Variants in PLD1 observed in about 807,000 individuals in gnomAD.
The protein encoded by PLD1 is phospholipase D1, also known as choline phosphatase 1.
PLD1 carries 112 observed loss-of-function variants against 137.1 expected under a neutral mutation model. The ratio of observed to expected loss-of-function variants is 0.82; its 90% CI spans 0.70 to 0.96. The LOEUF (loss-of-function observed/expected upper bound fraction) is 0.96, where lower values mean the gene tolerates loss of function less well. Ranked by LOEUF, PLD1 falls within the 40% of genes least tolerant of loss-of-function variation. The pLI, the probability that PLD1 is intolerant of heterozygous loss-of-function variation, is 0.00. For missense variants in PLD1, 1,321 were observed against 1,342.0 expected, an observed-to-expected ratio of 0.98 and a Z score of 0.24; for synonymous variants, 431 against 454.7, an observed-to-expected ratio of 0.95 and a Z score of 0.66.
At chr3:171,698,310 G>A (rs7635025) in intron 12 of PLD1, among the ~76,000 whole-genome samples, 2,219 of 152,306 alleles carry the variant, frequency 0.015, 50 homozygotes, top group African/African-American at 0.047. Context: ...TGTGAATAAT[G>A]TTTTCAGAAT....
At chr3:171,700,877 T>C (rs1048707804) in intron 11 of PLD1, among the ~76,000 whole-genome samples, 2 of 152,204 alleles carry the variant, frequency 1.3e-5, no homozygotes, top group African/African-American at 4.8e-5. Context: ...AGTTAGTTTC[T>C]GAGTTAAACA....
chr3:171,745,628 C>T (rs1720091491), intron 1 of PLD1, among the ~76,000 whole-genome samples: 1 of 152,222 alleles, frequency 6.6e-6, no homozygotes, highest in African/African-American at 2.4e-5. Context: ...AAGTGCTGCA[C>T]CAGGGACGTG....
rs531139022 is a variant in PLD1 at position 171,764,173 on chromosome 3, C to G, written c.-31-26091G>C. On this transcript the variant is annotated intron_variant, in intron 1 of 26. Coordinates refer to ENST00000351298, the MANE Select transcript of PLD1 (RefSeq NM_002662.5). The stretch of plus-strand genomic sequence containing the variant: ...TGTTTTTAGTAGAGATGGAGTTTCT[C>G]TATGTTGCCCAGAGTGATCTGAAAC... Among the ~76,000 whole-genome samples, 13 of 152,244 alleles carry G rather than the reference C, an allele frequency of 8.5e-5. No individual in the cohort carries two copies. In the East Asian group the frequency reaches 2.5e-3, roughly 29 times the overall value.
chr3:171,682,156 G>GAAAGAAAGAAAC (rs1560211475), intron 16 of PLD1, among the ~76,000 whole-genome samples: 7 of 63,870 alleles, frequency 1.1e-4, no homozygotes, highest in East Asian at 9.5e-4. Flanking sequence ...AAGAAAGAAA[G>GAAAGAAAGAAAC]AAAGAAAGAA....
chr3:171,654,910 A>G (rs1480788452), intron 21 of PLD1, among the ~76,000 whole-genome samples: 1 of 152,178 alleles, frequency 6.6e-6, no homozygotes, highest in Admixed American at 6.5e-5. Context: ...ACTTATTTCT[A>G]TAAAGAATTA....
intron 26 of PLD1, 106 bp downstream of exon 26, chr3:171,605,193 C>T (rs1292908831): frequency 3.8e-5 from 29 of 757,732 alleles, no homozygotes; most frequent in Middle Eastern, 3.0e-4. Flanking sequence ...AGCTTTTTTA[C>T]GTTTATTAAG....
chr3:171,643,012 A>T, intron 22 of PLD1, 123 bp from the exon 23 acceptor site: 1 of 642,872 alleles, frequency 1.6e-6, no homozygotes, highest in Non-Finnish European at 2.7e-6. Context: ...AGAAGATGCT[A>T]CATATATATC....
intron 25 of PLD1, among the ~76,000 whole-genome samples, chr3:171,605,713 A>G (rs974518342): frequency 6.6e-6 from 1 of 152,240 alleles, no homozygotes; most frequent in Non-Finnish European, 1.5e-5. Flanking sequence ...AGGCTTTAGG[A>G]TTAAAAAGCA....
At chr3:171,776,061 T>C (rs898379463) in intron 1 of PLD1, among the ~76,000 whole-genome samples, 5 of 152,188 alleles carry the variant, frequency 3.3e-5, no homozygotes, top group Admixed American at 3.3e-4. Flanking sequence ...AACCCCTTCA[T>C]TTGCGTAAAC....
chr3:171,748,014 C>A lies in PLD1; in HGVS notation c.-31-9932G>T, dbSNP rs562642057. On this transcript the variant is annotated intron_variant, in intron 1 of 26. Transcript: ENST00000351298. ...AATAGATAGATTAAAATTTTAAAAA[C>A]TCCTCTCTCAACATTACTAAATGTT... Among the ~76,000 whole-genome samples, 204 of 152,300 alleles carry A rather than the reference C, an allele frequency of 1.3e-3. 4 individuals are homozygous for A. The highest frequency in any genetic ancestry group is 4.7e-3 in the African/African-American group (196 of 41,566).
chr3:171,639,694 TA>T (rs1330560912), intron 23 of PLD1, among the ~76,000 whole-genome samples: 4 of 128,184 alleles, frequency 3.1e-5, no homozygotes, highest in African/African-American at 1.2e-4. Flanking sequence ...TACCTATTCA[TA>T]TAATATATAT....
At chr3:171,711,724 C>T (rs1717247444) in intron 9 of PLD1, among the ~76,000 whole-genome samples, 1 of 148,204 alleles carries the variant, frequency 6.7e-6, no homozygotes, top group Non-Finnish European at 1.5e-5. Context: ...CTCAACATGG[C>T]TGATTAGTTC....
At chr3:171,708,943 A>G (rs976205002) in intron 10 of PLD1, 105 bp from the exon 11 acceptor site, 1 of 664,744 alleles carries the variant, frequency 1.5e-6, no homozygotes, top group Non-Finnish European at 2.6e-6. Flanking sequence ...GAGTCTCCAC[A>G]TAACACATAA....
intron 1 of PLD1, among the ~76,000 whole-genome samples, chr3:171,808,734 G>A (rs1262097641): frequency 6.6e-6 from 1 of 151,102 alleles, no homozygotes; most frequent in Admixed American, 6.6e-5. Flanking sequence ...GCATTGTACA[G>A]CGCTTACTAT....
chr3:171,709,848 G>A (rs1020772245), intron 9 of PLD1, 139 bp from the exon 10 acceptor site: 5 of 669,728 alleles, frequency 7.5e-6, no homozygotes, highest in African/African-American at 3.6e-5. Context: ...AACATTTTTT[G>A]GTAGTATTTC....
chr3:171,618,260 A>G (rs923135397), intron 24 of PLD1, among the ~76,000 whole-genome samples: 1 of 152,232 alleles, frequency 6.6e-6, no homozygotes, highest in Non-Finnish European at 1.5e-5. Flanking sequence ...GGAGTCTTTG[A>G]GTGTTTAGAG....
chr3:171,685,547 C>A lies in PLD1; in HGVS notation c.1867+1138G>T, dbSNP rs1021129259. 2.6e-5 allele frequency among the ~76,000 whole-genome samples: 4 copies of A among 152,262 alleles called. No homozygotes were observed. The East Asian group carries it at 7.7e-4, about 29-fold the overall frequency. On this transcript the variant is annotated intron_variant, in intron 16 of 26. Coordinates refer to ENST00000351298, the MANE Select transcript of PLD1 (RefSeq NM_002662.5). ...TTCTTCATCTGTAAAAAGGAGATGACAATATCACTACCAAGCACTGCAACT... is the reference window on the plus strand; with the variant it reads ...TTCTTCATCTGTAAAAAGGAGATGAAAATATCACTACCAAGCACTGCAACT...
In PLD1 at chr3:171,601,963, G is replaced by A. The variant is rs894565703; in HGVS notation, c.*1115C>T. The A allele has an allele frequency of 6.6e-6, 1 of 152,228 alleles. No individual in the cohort carries two copies. The highest frequency in any genetic ancestry group is 1.5e-5 in the Non-Finnish European group (1 of 68,042). 9.4% of individuals were successfully genotyped at this position (152,228 alleles called of 1,614,324 possible). A position where few individuals can be genotyped will look rare whatever the true frequency, so the allele number is the denominator to read the frequency against. The stretch of plus-strand genomic sequence containing the variant: ...CGTTAATACATATTTAATAATGTAA[G>A]TGAAGTAGCACATATTTTATAATCA... On this transcript the variant is annotated 3_prime_UTR_variant, in exon 27 of 27. Coordinates refer to ENST00000351298, the MANE Select transcript of PLD1 (RefSeq NM_002662.5).
chr3:171,626,656 A>G (rs1734137849), intron 23 of PLD1, among the ~76,000 whole-genome samples: 2 of 151,852 alleles, frequency 1.3e-5, no homozygotes, highest in South Asian at 4.1e-4. Context: ...CGGATCTCTC[A>G]GCAGAAACTC....
Sources: allele counts gnomAD v4.1 joint callset (sites outside exome capture counted in the v4.1 genomes callset), GRCh38; gene constraint gnomAD v4.1.1; transcripts MANE v1.5; gene names NCBI Gene and HGNC (gene_info 2026-07-23, HGNC 2026-07-21).